The following GLRA2 variants were observed in gnomAD, a reference collection of about 807,000 sequenced individuals.
The protein encoded by GLRA2 is glycine receptor subunit alpha-2.
In GLRA2, 11 loss-of-function variants were observed where a neutral mutation model predicts 31.6. That is an observed-to-expected ratio of 0.35 (90% CI 0.22 to 0.58). GLRA2 has a LOEUF of 0.58. Ranked by LOEUF, GLRA2 falls within the 20% of genes least tolerant of loss-of-function variation. The pLI is 0.84. For synonymous variants in GLRA2, 132 were observed against 134.0 expected, an observed-to-expected ratio of 0.99 and a Z score of 0.10; for missense variants, 212 against 351.8, an observed-to-expected ratio of 0.60 and a Z score of 3.18.
At chrX:14,565,908 T>G in intron 2 of GLRA2, among the ~76,000 whole-genome samples, 1 of 111,390 alleles carries the variant, frequency 9.0e-6, no homozygotes, top group Non-Finnish European at 1.9e-5. Context: ...ATTTACACCT[T>G]GAAGAACTAG....
At chrX:14,601,183 GACA>G (rs1483666186) in intron 4 of GLRA2, among the ~76,000 whole-genome samples, 1 of 111,180 alleles carries the variant, frequency 9.0e-6, no homozygotes, top group Non-Finnish European at 1.9e-5. Context: ...CTCCATAATT[GACA>G]ACAATTTTTC....
chrX:14,495,703 A>G, the GLRA2 span, among the ~76,000 whole-genome samples: 2 of 109,765 alleles, frequency 1.8e-5, no homozygotes, highest in Non-Finnish European at 3.8e-5. Context: ...ACATATATAT[A>G]TATCCTTATT....
chrX:14,463,344 G>A, the GLRA2 span, among the ~76,000 whole-genome samples: 1 of 111,544 alleles, frequency 9.0e-6, no homozygotes, highest in African/African-American at 3.3e-5. Context: ...CGTTATCAAA[G>A]CTCGTATGCC....
chrX:14,546,321 C>T (rs964435449), intron 2 of GLRA2, among the ~76,000 whole-genome samples: 14 of 111,424 alleles, frequency 1.3e-4, no homozygotes, highest in African/African-American at 4.6e-4. Context: ...TGCACATATG[C>T]CTCATTTAAG....
chrX:14,484,586 C>T, the GLRA2 span, among the ~76,000 whole-genome samples: 78 of 112,123 alleles, frequency 7.0e-4, no homozygotes, highest in African/African-American at 2.5e-3. Flanking sequence ...TTGGCAAAGT[C>T]TTTCGGTTAG....
chrX:14,449,465 C>A, the GLRA2 span, among the ~76,000 whole-genome samples: 1 of 112,629 alleles, frequency 8.9e-6, no homozygotes, highest in Non-Finnish European at 1.9e-5. Flanking sequence ...TAAAATGCAG[C>A]CATAGGCACC....
intron 2 of GLRA2, among the ~76,000 whole-genome samples, chrX:14,567,917 A>G (rs1377081076): frequency 8.9e-6 from 1 of 112,488 alleles, no homozygotes; most frequent in Non-Finnish European, 1.9e-5. Flanking sequence ...TAAGTTAACC[A>G]AACATGTGAA....
chrX:14,544,959 C>G (rs1435659927), intron 2 of GLRA2, among the ~76,000 whole-genome samples: 1 of 111,241 alleles, frequency 9.0e-6, no homozygotes, highest in African/African-American at 3.3e-5. Context: ...AGTGATGCCA[C>G]CTCAGACTTA....
At chrX:14,681,431 C>T (rs1353135108) in intron 7 of GLRA2, among the ~76,000 whole-genome samples, 1 of 111,196 alleles carries the variant, frequency 9.0e-6, no homozygotes, top group East Asian at 2.8e-4. Flanking sequence ...ATCCATCCAC[C>T]ATGTATTTAT....
At chrX:14,676,742 T>C (rs1346453685) in intron 7 of GLRA2, among the ~76,000 whole-genome samples, 1 of 112,047 alleles carries the variant, frequency 8.9e-6, no homozygotes, top group African/African-American at 3.2e-5. Flanking sequence ...CAGTACAGTG[T>C]CTGAACACAG....
At chrX:14,509,598 A>C in the GLRA2 span, among the ~76,000 whole-genome samples, 1 of 112,216 alleles carries the variant, frequency 8.9e-6, no homozygotes, top group African/African-American at 3.2e-5. Context: ...TTAGGGCTTA[A>C]AGTGTTGTAA....
At chrX:14,480,981 A>C in the GLRA2 span, among the ~76,000 whole-genome samples, 1 of 110,219 alleles carries the variant, frequency 9.1e-6, no homozygotes, top group Non-Finnish European at 1.9e-5. Flanking sequence ...TGGCCATTTT[A>C]ACGATATTGA....
At chrX:14,627,666 C>A (rs1453332729) in intron 7 of GLRA2, among the ~76,000 whole-genome samples, 1 of 111,120 alleles carries the variant, frequency 9.0e-6, no homozygotes, top group Non-Finnish European at 1.9e-5. Context: ...TTTAGCTTCC[C>A]ATTGCTGTTT....
chrX:14,510,778 T>A, the GLRA2 span, among the ~76,000 whole-genome samples: 1 of 111,781 alleles, frequency 8.9e-6, no homozygotes, highest in Admixed American at 9.5e-5. Flanking sequence ...AATACTTAAG[T>A]GGCTTCTGGA....
intron 2 of GLRA2, among the ~76,000 whole-genome samples, chrX:14,571,391 GA>G (rs1345462978): frequency 1.8e-5 from 2 of 111,565 alleles, no homozygotes; most frequent in African/African-American, 3.2e-5. Flanking sequence ...TAAAAGTGGG[GA>G]AAAAAACAGT....
At chrX:14,505,848 C>T in the GLRA2 span, among the ~76,000 whole-genome samples, 22 of 111,497 alleles carry the variant, frequency 2.0e-4, 1 homozygote, top group African/African-American at 7.2e-4. Context: ...CCCAATTCTG[C>T]CCCCAGACAG....
At chrX:14,610,537 A>C (rs2090386213) in intron 7 of GLRA2, among the ~76,000 whole-genome samples, 1 of 112,128 alleles carries the variant, frequency 8.9e-6, no homozygotes, top group Non-Finnish European at 1.9e-5. Flanking sequence ...TAACCTGTAT[A>C]ATCAAAAATC....
At chrX:14,699,927 T>C (rs1378496908) in intron 8 of GLRA2, among the ~76,000 whole-genome samples, 2 of 111,761 alleles carry the variant, frequency 1.8e-5, no homozygotes, top group Non-Finnish European at 3.8e-5. Flanking sequence ...GAGCTAATGA[T>C]GAGAACGCAG....
At chrX:14,686,735 A>G (rs762958943) in intron 7 of GLRA2, among the ~76,000 whole-genome samples, 1 of 111,612 alleles carries the variant, frequency 9.0e-6, no homozygotes, top group African/African-American at 3.3e-5. Flanking sequence ...GGTCTCCTGA[A>G]TACAGCACAC....
Sources: gnomAD v4.1 joint callset for allele counts (sites outside exome capture counted in the v4.1 genomes callset) on GRCh38, gnomAD v4.1.1 for gene constraint, MANE v1.5 for transcripts, NCBI Gene and HGNC (gene_info 2026-07-23, HGNC 2026-07-21) for gene names.